Variants in LRRD1 observed in about 807,000 individuals in gnomAD.
The protein encoded by LRRD1 is leucine-rich repeat and death domain-containing protein 1.
LRRD1 carries 49 observed loss-of-function variants against 69.5 expected under a neutral mutation model. That is an observed-to-expected ratio of 0.70 (90% CI 0.56 to 0.89). LRRD1 has a LOEUF of 0.89. Ranked by LOEUF, LRRD1 falls within the 40% of genes least tolerant of loss-of-function variation. LRRD1 has a pLI of 0.00. For synonymous variants in LRRD1, 303 were observed against 338.9 expected (o/e 0.89, Z 1.16); for missense variants, 853 against 956.0 (o/e 0.89, Z 1.42).
downstream of LRRD1, chr7:92,142,955 C>T (rs1820200336): frequency 1.1e-5 from 3 of 262,324 alleles, no homozygotes; most frequent in Admixed American, 4.9e-5. Flanking sequence ...AACAGGTTGC[C>T]ACTGCTGGCT....
intron 4 of LRRD1, among the ~76,000 whole-genome samples, chr7:92,146,442 C>A (rs1328265935): frequency 7.0e-6 from 1 of 143,664 alleles, no homozygotes; most frequent in Non-Finnish European, 1.5e-5. Flanking sequence ...ACATGCAAAA[C>A]CCCATCTCTA....
intron 1 of LRRD1, among the ~76,000 whole-genome samples, chr7:92,168,520 C>T (rs1353622019): frequency 2.0e-5 from 3 of 152,158 alleles, no homozygotes; most frequent in Non-Finnish European, 4.4e-5. Flanking sequence ...TGAACTCCTA[C>T]CTAGCCTTCT....
At chr7:92,160,998 C>A (rs775660065) in intron 2 of LRRD1, among the ~76,000 whole-genome samples, 94 of 152,224 alleles carry the variant, frequency 6.2e-4, no homozygotes, top group Non-Finnish European at 1.1e-3. Context: ...GACTTGAGAG[C>A]CTGGCCTATG....
intron 3 of LRRD1, among the ~76,000 whole-genome samples, chr7:92,157,769 G>A (rs1298003756): frequency 6.6e-6 from 1 of 151,398 alleles, no homozygotes; most frequent in Non-Finnish European, 1.5e-5. Context: ...TAGAGCCGGG[G>A]TTTCACCATA....
At position 92,144,854 on chromosome 7, in the gene LRRD1, C is replaced by A; in HGVS notation, c.*34G>T. 3.8e-6 allele frequency: 5 copies of A among 1,332,796 alleles called. No homozygotes were observed. The highest frequency in any genetic ancestry group is 5.3e-5 in the East Asian group (2 of 37,950). The allele number at this position is 1,332,796 out of a possible 1,614,324, so 82.6% of individuals were successfully genotyped here. A position where few individuals can be genotyped will look rare whatever the true frequency, so the allele number is the denominator to read the frequency against. ...AACACAGTTTCAATTATAAGTGCATCAAAAGTTTTCAGTTTTTATTATTGA... is the reference window on the plus strand; with the variant it reads ...AACACAGTTTCAATTATAAGTGCATAAAAAGTTTTCAGTTTTTATTATTGA... On this transcript the variant is annotated 3_prime_UTR_variant, in exon 6 of 6. Transcript: ENST00000458448.
In LRRD1 at chr7:92,146,177, T is replaced by G; in HGVS notation, c.2302A>C (p.Lys768Gln). Residue 768 changes from lysine to glutamine, a missense_variant, in exon 5 of 6, where the codon AAG becomes CAG. Physicochemically the swap from Lys to Gln is moderately conservative, Grantham distance 53 (BLOSUM62 1). Around this residue, in one of 3 missense-constraint regions of LRRD1, gnomAD observed 739 missense variants for 808.0 expected, o/e 0.91. Coordinates refer to ENST00000458448, the MANE Select transcript of LRRD1 (RefSeq NM_001161528.2). ...TCAGTGATGTTGTTGGCAACTATCT[T>G]GAATATCTTCTCTAAAATTTTCTCT... ...RDEKILEKIF[K>Q]IVANNITETN... 6.6e-7 allele frequency: 1 copy of G among 1,516,888 alleles called. No individual in the cohort carries two copies. The highest frequency in any genetic ancestry group is 8.9e-7 in the Non-Finnish European group (1 of 1,129,938). 94.0% of individuals were successfully genotyped at this position (1,516,888 alleles called of 1,614,324 possible). A position where few individuals can be genotyped will look rare whatever the true frequency, so the allele number is the denominator to read the frequency against.
chr7:92,172,416 G>A (rs1789076065), intron 1 of LRRD1, among the ~76,000 whole-genome samples: 5 of 151,998 alleles, frequency 3.3e-5, no homozygotes. Flanking sequence ...TTGTTCACAG[G>A]CGATATTATT....
intron 1 of LRRD1, among the ~76,000 whole-genome samples, chr7:92,175,720 C>T (rs1256714592): frequency 2.0e-5 from 3 of 152,078 alleles, no homozygotes; most frequent in Non-Finnish European, 2.9e-5. Flanking sequence ...TGTAAGGAAA[C>T]CATAAATTCT....
intron 3 of LRRD1, among the ~76,000 whole-genome samples, chr7:92,154,994 G>C (rs928881216): frequency 2.0e-5 from 3 of 152,152 alleles, no homozygotes; most frequent in Non-Finnish European, 4.4e-5. Context: ...GTAGTTTGAG[G>C]TGCAACAGCA....
Position 92,159,238 on chromosome 7 carries a change from A to G in LRRD1, c.1918-35T>C, listed in dbSNP as rs180941264. The stretch of plus-strand genomic sequence containing the variant: ...AGATTACACAATTATACATTTATAA[A>G]TACATACATATTTGCATGACTAAAA... On this transcript the variant is annotated intron_variant, in intron 2 of 5. Transcript: ENST00000458448. 15 of 1,245,040 alleles carry G rather than the reference A, an allele frequency of 1.2e-5. No homozygotes were observed. The East Asian group carries it at 4.6e-4, about 38-fold the overall frequency. 77.1% of individuals were successfully genotyped at this position (1,245,040 alleles called of 1,614,324 possible).
chr7:92,145,960 A>C, intron 5 of LRRD1, 123 bp downstream of exon 5: 1 of 532,322 alleles, frequency 1.9e-6, no homozygotes, highest in Middle Eastern at 3.8e-4. Flanking sequence ...AATAAACTAA[A>C]ATCAGCTTTC....
At chr7:92,145,982 A>C in intron 5 of LRRD1, 101 bp downstream of exon 5, 20 of 607,596 alleles carry the variant, frequency 3.3e-5, no homozygotes, top group Non-Finnish European at 5.4e-5. Flanking sequence ...ACAGCAAAGT[A>C]GAGATTGTGT....
chr7:92,154,561 C>T, intron 3 of LRRD1, among the ~76,000 whole-genome samples: 1 of 143,992 alleles, frequency 6.9e-6, no homozygotes, highest in South Asian at 2.2e-4. Context: ...TATTTTTTCA[C>T]TTTTTTTTTT....
At chr7:92,158,081 T>G (rs1359789870) in intron 3 of LRRD1, among the ~76,000 whole-genome samples, 1 of 152,194 alleles carries the variant, frequency 6.6e-6, no homozygotes, top group Non-Finnish European at 1.5e-5. Flanking sequence ...CACAATGATA[T>G]CTACCTCCTG....
At chr7:92,146,765 A>G (rs779037496) in intron 4 of LRRD1, among the ~76,000 whole-genome samples, 4 of 150,562 alleles carry the variant, frequency 2.7e-5, no homozygotes, top group African/African-American at 4.9e-5. Flanking sequence ...TACTAAAAAT[A>G]CAAAAAATTA....
At chr7:92,176,567 T>A (rs1354296195) in intron 1 of LRRD1, among the ~76,000 whole-genome samples, 4 of 29,750 alleles carry the variant, frequency 1.3e-4, no homozygotes, top group African/African-American at 4.4e-4. Context: ...ATTCTCTCAT[T>A]TTTTTTTTTT....
intron 1 of LRRD1, 60 bp downstream of exon 1, chr7:92,178,945 ATG>A (rs1233822418): frequency 2.0e-5 from 3 of 152,382 alleles, no homozygotes; most frequent in Admixed American, 1.3e-4. Context: ...AAGTGGGAAA[ATG>A]AGAGAGAATC....
At chr7:92,162,653 A>G (rs1788814186) in intron 2 of LRRD1, among the ~76,000 whole-genome samples, 2 of 152,232 alleles carry the variant, frequency 1.3e-5, no homozygotes, top group Admixed American at 6.5e-5. Context: ...GGCTATATTT[A>G]TGGAAAAATT....
chr7:92,167,398 T>C (rs1788936005), intron 1 of LRRD1, among the ~76,000 whole-genome samples: 1 of 151,506 alleles, frequency 6.6e-6, no homozygotes, highest in Non-Finnish European at 1.5e-5. Context: ...TTTTTAGTTT[T>C]GGTAATTGCA....
Sources: allele counts gnomAD v4.1 joint callset (sites outside exome capture counted in the v4.1 genomes callset), GRCh38; gene constraint gnomAD v4.1.1; regional missense constraint gnomAD v4.1.1; transcripts MANE v1.5; gene names NCBI Gene and HGNC (gene_info 2026-07-23, HGNC 2026-07-21).